Variants in XKR6 observed in about 807,000 individuals in gnomAD.
The protein encoded by XKR6 is XK-related protein 6.
Under a neutral mutation model 56.7 loss-of-function variants are expected in XKR6, and 22 were observed. That is an observed-to-expected ratio of 0.39 (90% CI 0.28 to 0.55). XKR6 has a LOEUF of 0.55. Among genes scored for constraint, XKR6 ranks in the 20% least tolerant of loss-of-function variants. XKR6 has a pLI of 0.66. For missense variants in XKR6, 852 were observed against 889.0 expected, an observed-to-expected ratio of 0.96 and a Z score of 0.53; for synonymous variants, 524 against 387.8, an observed-to-expected ratio of 1.35 and a Z score of -4.13.
At chr8:11,074,765 A>C (rs1024091517) in intron 1 of XKR6, among the ~76,000 whole-genome samples, 8 of 152,326 alleles carry the variant, frequency 5.3e-5, no homozygotes, top group African/African-American at 1.9e-4. Flanking sequence ...TCCAAAGTAG[A>C]GGCTGCACAC....
intron 1 of XKR6, among the ~76,000 whole-genome samples, chr8:11,004,443 T>G (rs979419848): frequency 3.9e-5 from 6 of 151,974 alleles, no homozygotes; most frequent in Non-Finnish European, 5.9e-5. Context: ...CCACTGCACT[T>G]CAGCCTAGGC....
rs1252768756 is a variant in XKR6, at chr8:11,201,095, G to T, written c.245C>A (p.Pro82Gln). The change falls in exon 1 of 3, where the codon CCG becomes CAG. Residue 82 changes from proline to glutamine, a missense_variant. Pro to Gln is a moderately conservative substitution (Grantham distance 76). Coordinates refer to ENST00000416569, the MANE Select transcript of XKR6 (RefSeq NM_173683.4). ...ACLRSLLGRKPRRSAAADGGD... is the reference protein window; with the variant it reads ...ACLRSLLGRKQRRSAAADGGD... ...CCCGTCGGCGGCGGCGCTGCGGCGC[G>T]GCTTCCTGCCCAGGAGGGAGCGCAG... 1 of 1,399,170 alleles carries T rather than the reference G, an allele frequency of 7.1e-7. No individual in the cohort carries two copies. Among genetic ancestry groups the T allele is most frequent in the South Asian group, 1.5e-5 (1 of 66,794 alleles). 86.7% of individuals were successfully genotyped at this position (1,399,170 alleles called of 1,614,324 possible). A position where few individuals can be genotyped will look rare whatever the true frequency, so the allele number is the denominator to read the frequency against.
At chr8:11,048,643 G>C (rs966142820) in intron 1 of XKR6, among the ~76,000 whole-genome samples, 38 of 152,124 alleles carry the variant, frequency 2.5e-4, no homozygotes, top group Non-Finnish European at 3.8e-4. Context: ...CTAGCCCAGG[G>C]GTCTCTACAA....
chr8:11,022,197 G>T (rs1412918738), intron 1 of XKR6, among the ~76,000 whole-genome samples: 1 of 150,808 alleles, frequency 6.6e-6, no homozygotes, highest in Non-Finnish European at 1.5e-5. Flanking sequence ...TGTAACTATG[G>T]CACAAAACAG....
chr8:11,046,959 G>T (rs1020642688), intron 1 of XKR6, among the ~76,000 whole-genome samples: 2 of 152,142 alleles, frequency 1.3e-5, no homozygotes, highest in African/African-American at 4.8e-5. Flanking sequence ...ACTCATAGAA[G>T]CAGAGAGGAG....
intron 1 of XKR6, among the ~76,000 whole-genome samples, chr8:11,033,459 GGTA>G (rs1799057129): frequency 6.6e-6 from 1 of 151,926 alleles, no homozygotes; most frequent in African/African-American, 2.4e-5. Flanking sequence ...TGATGATGAT[GGTA>G]ATGATGGTGA....
rs527976422 is a variant in XKR6, at chr8:10,951,696, G to A, written c.765-26866C>T. Among the ~76,000 whole-genome samples the A allele has an allele frequency of 1.1e-3, 175 of 152,264 alleles. 1 individual carries two copies. The highest frequency in any genetic ancestry group is 4.0e-3 in the African/African-American group (167 of 41,550). ...CCCTGGGAGTGGGGATCTGGGAGGC[G>A]CTGCCTCTTCTGAGTAGGCTGCAGC... On this transcript the variant is annotated intron_variant, in intron 1 of 2. Coordinates refer to ENST00000416569, the MANE Select transcript of XKR6 (RefSeq NM_173683.4).
chr8:10,966,286 C>T (rs947011279), intron 1 of XKR6, among the ~76,000 whole-genome samples: 1 of 152,062 alleles, frequency 6.6e-6, no homozygotes. Flanking sequence ...GTCCATGGAC[C>T]ACCCTTGGGA....
chr8:11,127,812 C>T (rs529248634), intron 1 of XKR6, among the ~76,000 whole-genome samples: 2 of 152,220 alleles, frequency 1.3e-5, no homozygotes, highest in South Asian at 2.1e-4. Context: ...CTGCGGGGGG[C>T]GCCATTAATG....
chr8:11,165,157 T>C (rs185676606), intron 1 of XKR6, among the ~76,000 whole-genome samples: 19 of 133,666 alleles, frequency 1.4e-4, no homozygotes, highest in African/African-American at 4.9e-4. Context: ...TGGAGTGCAA[T>C]GGCACGATCT....
chr8:11,079,469 A>G (rs1460150292), intron 1 of XKR6, among the ~76,000 whole-genome samples: 4 of 152,240 alleles, frequency 2.6e-5, no homozygotes, highest in African/African-American at 7.2e-5. Context: ...AAATCTGTCT[A>G]TCTGCATATG....
intron 1 of XKR6, among the ~76,000 whole-genome samples, chr8:11,171,587 G>A (rs1278927999): frequency 1.6e-4 from 24 of 152,132 alleles, no homozygotes; most frequent in Admixed American, 1.6e-3. Flanking sequence ...TAGCCCTTCT[G>A]GCTCTCTCCT....
At chr8:10,976,767 CT>C (rs1563323184) in intron 1 of XKR6, among the ~76,000 whole-genome samples, 3 of 150,072 alleles carry the variant, frequency 2.0e-5, no homozygotes, top group Non-Finnish European at 2.9e-5. Context: ...CTCTCTCTCT[CT>C]CTCTCTCTCT....
rs566268294 is a variant in XKR6, at chr8:10,954,686, T to G, written c.765-29856A>C. Among the ~76,000 whole-genome samples the G allele has an allele frequency of 1.2e-4, 19 of 152,310 alleles. No individual in the cohort carries two copies. The South Asian group carries it at 3.9e-3, about 32-fold the overall frequency. The stretch of plus-strand genomic sequence containing the variant: ...TGAAGTCTTATCTGTCCATGTTTTC[T>G]TTTGTCATTTGTGCTTTTGGTGTCA... On this transcript the variant is annotated intron_variant, in intron 1 of 2. Transcript: ENST00000416569.
At chr8:11,060,255 G>A (rs1429725242) in intron 1 of XKR6, among the ~76,000 whole-genome samples, 1 of 152,138 alleles carries the variant, frequency 6.6e-6, no homozygotes, top group Non-Finnish European at 1.5e-5. Context: ...ACTTTGGTGA[G>A]ACAGCTAGTG....
intron 1 of XKR6, chr8:11,195,139 G>A (rs1412915758): frequency 4.3e-6 from 3 of 703,244 alleles, no homozygotes; most frequent in South Asian, 3.0e-5. Flanking sequence ...GGAGGAGGGA[G>A]AAGGGAAGAA....
chr8:11,176,835 C>G (rs1050806816), intron 1 of XKR6, among the ~76,000 whole-genome samples: 3 of 152,172 alleles, frequency 2.0e-5, no homozygotes, highest in Admixed American at 2.0e-4. Context: ...TTTTAGGTAG[C>G]TGGACGCTGG....
intron 1 of XKR6, among the ~76,000 whole-genome samples, chr8:11,186,319 G>C (rs1383780024): frequency 2.6e-5 from 4 of 152,160 alleles, no homozygotes; most frequent in Admixed American, 1.3e-4. Context: ...TCTAGGTATG[G>C]TCCACGGCTA....
At position 10,901,690 on chromosome 8, in the gene XKR6, A is replaced by G. The variant is rs139939283; in HGVS notation, c.962-2774T>C. Among the ~76,000 whole-genome samples, 554 of 152,260 alleles carry G rather than the reference A, an allele frequency of 3.6e-3. 4 individuals carry two copies. Among genetic ancestry groups the G allele is most frequent in the Non-Finnish European group, 5.3e-3 (360 of 68,020 alleles). On this transcript the variant is annotated intron_variant, in intron 2 of 2. Transcript: ENST00000416569. Reference sequence around the variant, plus strand: ...AGGCTTGATTGTTGTGTTCCTTCTAATAAAGCAAACTCTATTACCTTCTAC... The same window carrying G: ...AGGCTTGATTGTTGTGTTCCTTCTAGTAAAGCAAACTCTATTACCTTCTAC...
Sources: gnomAD v4.1 joint callset for allele counts (sites outside exome capture counted in the v4.1 genomes callset) on GRCh38, gnomAD v4.1.1 for gene constraint, MANE v1.5 for transcripts, NCBI Gene and HGNC (gene_info 2026-07-23, HGNC 2026-07-21) for gene names.